NXF3: variants seen among roughly 807,000 people sequenced by gnomAD.
The protein encoded by NXF3 is TAP-like protein 3.
Under a neutral mutation model 48.4 loss-of-function variants are expected in NXF3, and 34 were observed. The ratio of observed to expected loss-of-function variants is 0.70; its 90% CI spans 0.53 to 0.93. The LOEUF (loss-of-function observed/expected upper bound fraction) is 0.93. Ranked by LOEUF, NXF3 falls within the 40% of genes least tolerant of loss-of-function variation. The probability of loss-of-function intolerance (pLI) is 0.00; values close to 1 mark genes in which losing one functional copy is unlikely to be tolerated. For synonymous variants in NXF3, 132 were observed against 145.7 expected (o/e 0.91, Z 0.68); for missense variants, 359 against 406.1 (o/e 0.88, Z 1.00).
At chrX:103,088,053 A>G (rs1339297860) in intron 1 of NXF3, 1 of 898,896 alleles carries the variant, frequency 1.1e-6, no homozygotes, top group South Asian at 2.1e-5. Context: ...ATGTCCACTC[A>G]ATTTATATTG....
chrX:103,083,352 T>C, intron 5 of NXF3, 46 bp downstream of exon 5: 1 of 1,168,506 alleles, frequency 8.6e-7, no homozygotes, highest in Non-Finnish European at 1.2e-6. Context: ...ACCCTTGCCC[T>C]GCCCTCTTGC....
At chrX:103,078,301 T>C (rs1448458190) in intron 17 of NXF3, among the ~76,000 whole-genome samples, 1 of 111,721 alleles carries the variant, frequency 9.0e-6, no homozygotes, top group Non-Finnish European at 1.9e-5. Flanking sequence ...AATTTTTAGT[T>C]TTTTTGTAGA....
chrX:103,089,172 G>T (rs2147597841), intron 1 of NXF3: 1 of 727,114 alleles, frequency 1.4e-6, no homozygotes, highest in South Asian at 2.1e-5. Context: ...TGAATGCTCA[G>T]TTTGTGGCAA....
chrX:103,077,920 G>C (rs778878531), intron 17 of NXF3, among the ~76,000 whole-genome samples, 174 bp from the exon 18 acceptor site: 7 of 111,748 alleles, frequency 6.3e-5, no homozygotes, highest in Admixed American at 5.7e-4. Flanking sequence ...CCTTTGGAGA[G>C]ATTACCTACA....
chrX:103,076,142 G>C, intron 19 of NXF3, 99 bp downstream of exon 19: 1 of 593,851 alleles, frequency 1.7e-6, no homozygotes, highest in Admixed American at 2.4e-5. Context: ...CCGAGAGGAA[G>C]TGCAGGAGGG....
At chrX:103,088,367 G>T in intron 1 of NXF3, 1 of 549,221 alleles carries the variant, frequency 1.8e-6, no homozygotes, top group South Asian at 2.4e-5. Flanking sequence ...GGCAAACATG[G>T]AACATATAAA....
At chrX:103,088,542 G>T in intron 1 of NXF3, 2 of 1,096,670 alleles carry the variant, frequency 1.8e-6, no homozygotes, top group Non-Finnish European at 2.5e-6. Context: ...GGCTCATCAG[G>T]TGAGGAATTA....
intron 8 of NXF3, 106 bp downstream of exon 8, chrX:103,082,654 G>A: frequency 1.5e-6 from 1 of 657,451 alleles, no homozygotes; most frequent in Non-Finnish European, 2.4e-6. Flanking sequence ...AATGAATTAA[G>A]AACTAAGAGT....
chrX:103,082,854 G>T lies in NXF3; in HGVS notation c.692-6C>A, dbSNP rs1187185070. Reference sequence around the variant, plus strand: ...AGTATCACGGTTCACCATGTCTCCAGAAAGCAGAGAGGAGAAAATCAGAAG... The same window carrying T: ...AGTATCACGGTTCACCATGTCTCCATAAAGCAGAGAGGAGAAAATCAGAAG... On this transcript the variant is annotated splice_region_variant and splice_polypyrimidine_tract_variant and intron_variant, in intron 7 of 19. Transcript: ENST00000395065. 4 of 1,201,060 alleles carry T rather than the reference G, an allele frequency of 3.3e-6. No homozygotes were observed. The African/African-American group carries it at 5.3e-5, about 16-fold the overall frequency.
At chrX:103,080,722 C>T (rs1921987582) in intron 9 of NXF3, 110 bp from the exon 10 acceptor site, 1 of 750,579 alleles carries the variant, frequency 1.3e-6, no homozygotes, top group African/African-American at 2.0e-5. Context: ...TGTCCACCTA[C>T]ACTCCGAAGT....
intron 10 of NXF3, 129 bp downstream of exon 10, chrX:103,080,447 C>T (rs1369746316): frequency 2.8e-6 from 2 of 714,360 alleles, no homozygotes; most frequent in Non-Finnish European, 2.2e-6. Context: ...GTATTCCCTT[C>T]CCCCACTCCC....
At chrX:103,077,371 C>T (rs1252051653) in intron 18 of NXF3, among the ~76,000 whole-genome samples, 1 of 108,743 alleles carries the variant, frequency 9.2e-6, no homozygotes, top group African/African-American at 3.4e-5. Flanking sequence ...CTGCCTCAGG[C>T]TCCCAAGTAG....
intron 1 of NXF3, chrX:103,088,450 GA>G (rs1212315248): frequency 3.5e-5 from 29 of 835,788 alleles, no homozygotes; most frequent in Non-Finnish European, 4.5e-5. Context: ...CAAAATGTGG[GA>G]AAAAAATGAA....
chrX:103,080,006 T>A lies in NXF3; in HGVS notation c.1052+7A>T. The stretch of plus-strand genomic sequence containing the variant: ...TTCTCTTGCCTCAGATTCCCAGGGA[T>A]ACTTACTGCTGCAGGAATTGCAGGA... On this transcript the variant is annotated splice_region_variant and intron_variant, in intron 12 of 19. Coordinates refer to ENST00000395065, the MANE Select transcript of NXF3 (RefSeq NM_022052.2). The A allele has an allele frequency of 8.3e-7, 1 of 1,210,789 alleles. No individual in the cohort carries two copies. Among genetic ancestry groups the A allele is most frequent in the Non-Finnish European group, 1.1e-6 (1 of 894,813 alleles).
At chrX:103,090,903 A>G (rs1187603667) in intron 1 of NXF3, among the ~76,000 whole-genome samples, 1 of 112,060 alleles carries the variant, frequency 8.9e-6, no homozygotes, top group African/African-American at 3.2e-5. Context: ...TTTCCTTGGG[A>G]TATGTTCTTC....
chrX:103,088,225 G>A, intron 1 of NXF3: 1 of 751,962 alleles, frequency 1.3e-6, no homozygotes, highest in Non-Finnish European at 2.0e-6. Flanking sequence ...GCTTAAACGT[G>A]CTAGGAGTAA....
chrX:103,079,143 G>A, intron 16 of NXF3, 78 bp downstream of exon 16: 2 of 974,529 alleles, frequency 2.1e-6, no homozygotes, highest in Middle Eastern at 2.6e-4. Flanking sequence ...GAGGGAAGCT[G>A]GGGGAGTTCT....
At position 103,080,010 on chromosome X, in the gene NXF3, T is replaced by C. The variant is rs761699474; in HGVS notation, c.1052+3A>G. 8 of 1,211,065 alleles carry C rather than the reference T, an allele frequency of 6.6e-6. No individual in the cohort carries two copies. In the South Asian group the frequency reaches 1.4e-4, roughly 21 times the overall value. On this transcript the variant is annotated splice_donor_region_variant and intron_variant, in intron 12 of 19. Coordinates refer to ENST00000395065, the MANE Select transcript of NXF3 (RefSeq NM_022052.2). ...CTTGCCTCAGATTCCCAGGGATACTTACTGCTGCAGGAATTGCAGGACCAG... is the reference window on the plus strand; with the variant it reads ...CTTGCCTCAGATTCCCAGGGATACTCACTGCTGCAGGAATTGCAGGACCAG...
chrX:103,075,998 C>G lies in NXF3; in HGVS notation c.*52G>C, dbSNP rs1157291575. On this transcript the variant is annotated splice_region_variant and 3_prime_UTR_variant, in exon 20 of 20. Coordinates refer to ENST00000395065, the MANE Select transcript of NXF3 (RefSeq NM_022052.2). ...CTCCTGGTTCAGTCACAGGGAAATA[C>G]ATCTATTGGAACAAAAATACAGGGA... is the stretch of plus-strand genomic sequence containing the variant. 2.0e-5 allele frequency: 7 copies of G among 348,701 alleles called. No homozygotes were observed. Among genetic ancestry groups the G allele is most frequent in the Non-Finnish European group, 3.5e-5 (7 of 200,122 alleles). The allele number at this position is 348,701 out of a possible 1,213,427, so 28.7% of individuals were successfully genotyped here.
Sources: allele counts gnomAD v4.1 joint callset (sites outside exome capture counted in the v4.1 genomes callset), GRCh38; gene constraint gnomAD v4.1.1; transcripts MANE v1.5; gene names NCBI Gene and HGNC (gene_info 2026-07-23, HGNC 2026-07-21).